SDK1: variants seen among roughly 807,000 people sequenced by gnomAD.
SDK1 encodes protein sidekick-1.
Under a neutral mutation model 245.5 loss-of-function variants are expected in SDK1, and 157 were observed. That is an observed-to-expected ratio of 0.64 (90% CI 0.56 to 0.73). SDK1 has a LOEUF of 0.73. Ranked by LOEUF, SDK1 falls within the 30% of genes least tolerant of loss-of-function variation. The pLI, the probability that SDK1 is intolerant of heterozygous loss-of-function variation, is 0.00. For synonymous variants in SDK1, 1,647 were observed against 1,278.5 expected (o/e 1.29, Z -6.15); for missense variants, 3,583 against 3,002.3 (o/e 1.19, Z -4.52).
chr7:3,350,286 G>A (rs1366731160), intron 1 of SDK1, among the ~76,000 whole-genome samples: 1 of 151,564 alleles, frequency 6.6e-6, no homozygotes, highest in Admixed American at 6.6e-5. Context: ...CAGTGTCTGT[G>A]TGGGCGTTAT....
At chr7:3,845,468 G>A (rs967836250) in intron 5 of SDK1, among the ~76,000 whole-genome samples, 2 of 123,774 alleles carry the variant, frequency 1.6e-5, no homozygotes, top group Admixed American at 1.9e-4. Context: ...CCAGCCTGGT[G>A]ACAGAGTGAG....
chr7:4,224,814 G>T (rs641930), intron 40 of SDK1, among the ~76,000 whole-genome samples: 4 of 150,722 alleles, frequency 2.7e-5, no homozygotes, highest in East Asian at 2.0e-4. Flanking sequence ...AACCCAGTCT[G>T]TACTACAAAT....
chr7:4,246,580 C>T (rs1229950451), intron 44 of SDK1, among the ~76,000 whole-genome samples: 1 of 152,152 alleles, frequency 6.6e-6, no homozygotes, highest in Non-Finnish European at 1.5e-5. Flanking sequence ...TTTCCCCCTA[C>T]ACCCTGCCAG....
At chr7:3,562,781 C>G (rs77878609) in intron 1 of SDK1, among the ~76,000 whole-genome samples, 13 of 152,154 alleles carry the variant, frequency 8.5e-5, no homozygotes, top group African/African-American at 2.9e-4. Context: ...AATTGTCACT[C>G]ACACGTGAGG....
Position 3,563,424 on chromosome 7 carries a change from T to A in SDK1, c.299-55656T>A, listed in dbSNP as rs73673621. Among the ~76,000 whole-genome samples the A allele has an allele frequency of 5.2e-3, 794 of 152,126 alleles. 4 individuals carry two copies. Among genetic ancestry groups the A allele is most frequent in the African/African-American group, 0.018 (762 of 41,494 alleles). ...GGATGGAAGAGAGAGTACACAAATA[T>A]GAACCAACAGAAAGCAGTGGTAACT... On this transcript the variant is annotated intron_variant, in intron 1 of 44. Coordinates refer to ENST00000404826, the MANE Select transcript of SDK1 (RefSeq NM_152744.4).
At chr7:3,784,596 A>T (rs746934724) in intron 4 of SDK1, among the ~76,000 whole-genome samples, 1 of 152,248 alleles carries the variant, frequency 6.6e-6, no homozygotes, top group Non-Finnish European at 1.5e-5. Flanking sequence ...AATGGCTGAC[A>T]GATACATGAA....
At chr7:4,230,199 G>T (rs1419913771) in intron 40 of SDK1, among the ~76,000 whole-genome samples, 1 of 145,974 alleles carries the variant, frequency 6.9e-6, no homozygotes, top group Non-Finnish European at 1.5e-5. Flanking sequence ...TGATGGGTAG[G>T]TAGATGAGTA....
intron 14 of SDK1, among the ~76,000 whole-genome samples, chr7:3,999,569 G>T (rs1455450063): frequency 6.6e-6 from 1 of 152,162 alleles, no homozygotes; most frequent in East Asian, 1.9e-4. Context: ...GTGCCTCGGG[G>T]CGGGGGAGGC....
intron 1 of SDK1, among the ~76,000 whole-genome samples, chr7:3,616,133 G>C (rs192746916): frequency 1.3e-5 from 2 of 152,210 alleles, no homozygotes; most frequent in African/African-American, 4.8e-5. Flanking sequence ...CAATCCTTCC[G>C]CCTCAGCCTC....
chr7:3,777,184 T>G (rs142014029), intron 4 of SDK1, among the ~76,000 whole-genome samples: 2 of 152,220 alleles, frequency 1.3e-5, no homozygotes, highest in Non-Finnish European at 2.9e-5. Flanking sequence ...ATGAAGACTC[T>G]TGAGACGTAA....
rs186620539 is a variant in SDK1 at position 3,613,333 on chromosome 7, G to T, written c.299-5747G>T. Among the ~76,000 whole-genome samples, 77 of 152,278 alleles carry T rather than the reference G, an allele frequency of 5.1e-4. 1 individual carries two copies. The highest frequency in any genetic ancestry group is 2.9e-3 in the Admixed American group (44 of 15,278). The stretch of plus-strand genomic sequence containing the variant: ...ATGAGCAGAAGATTATTCTCACATT[G>T]GAGAGGTAACATTAAATACATTTAC... On this transcript the variant is annotated intron_variant, in intron 1 of 44. Coordinates refer to ENST00000404826, the MANE Select transcript of SDK1 (RefSeq NM_152744.4).
chr7:3,649,233 T>C (rs1358402926), intron 4 of SDK1, among the ~76,000 whole-genome samples: 2 of 152,222 alleles, frequency 1.3e-5, no homozygotes, highest in Middle Eastern at 3.4e-3. Context: ...GGGGGTTGAA[T>C]TGAGTGACTA....
In SDK1 at chr7:4,164,334, G is replaced by A. The variant is rs367952862; in HGVS notation, c.4800+2478G>A. On this transcript the variant is annotated intron_variant, in intron 32 of 44. Transcript: ENST00000404826. ...CCCTCTGACTCCAGGTTCCTCCTTT[G>A]TAAGAACAGAAGGTCACAAAGGTGA... 2.1e-3 allele frequency among the ~76,000 whole-genome samples: 321 copies of A among 152,288 alleles called. 13 individuals are homozygous for A. The South Asian group carries it at 0.062, about 29-fold the overall frequency.
intron 1 of SDK1, among the ~76,000 whole-genome samples, chr7:3,466,979 T>TACACACACAC (rs11269597): frequency 0.018 from 2,297 of 127,500 alleles, 38 homozygotes; most frequent in Middle Eastern, 0.032. Context: ...TCTCTCTCTC[T>TACACACACAC]ACACACACAC....
chr7:4,103,060 G>T (rs1482534985), intron 22 of SDK1, among the ~76,000 whole-genome samples: 1 of 150,816 alleles, frequency 6.6e-6, no homozygotes, highest in East Asian at 1.9e-4. Flanking sequence ...GAGTGTAGTG[G>T]TGCGATCTCG....
At chr7:3,782,887 C>T (rs1195351206) in intron 4 of SDK1, among the ~76,000 whole-genome samples, 1 of 152,110 alleles carries the variant, frequency 6.6e-6, no homozygotes, top group African/African-American at 2.4e-5. Flanking sequence ...GCCAACATTA[C>T]CTTGGTACCA....
At chr7:3,472,263 C>T (rs1039782738) in intron 1 of SDK1, among the ~76,000 whole-genome samples, 1 of 151,996 alleles carries the variant, frequency 6.6e-6, no homozygotes, top group African/African-American at 2.4e-5. Context: ...TTTGTAATAC[C>T]TTTGACTAGC....
chr7:3,764,987 A>G (rs1050957235), intron 4 of SDK1, among the ~76,000 whole-genome samples: 6 of 152,186 alleles, frequency 3.9e-5, no homozygotes, highest in Non-Finnish European at 8.8e-5. Flanking sequence ...TTAATGAATT[A>G]TGAATCTCAA....
intron 4 of SDK1, among the ~76,000 whole-genome samples, chr7:3,646,484 T>G (rs947729728): frequency 1.3e-5 from 2 of 152,206 alleles, no homozygotes; most frequent in African/African-American, 4.8e-5. Flanking sequence ...CAGGTATAAT[T>G]AGCTCTATGT....
Sources: allele counts gnomAD v4.1 joint callset (sites outside exome capture counted in the v4.1 genomes callset), GRCh38; gene constraint gnomAD v4.1.1; transcripts MANE v1.5; gene names NCBI Gene and HGNC (gene_info 2026-07-23, HGNC 2026-07-21).